Variants in TCF20 observed in about 807,000 individuals in gnomAD.
The protein encoded by TCF20 is SPRE-binding protein.
A neutral mutation model predicts 148.6 loss-of-function variants in TCF20; 3 were observed. That is an observed-to-expected ratio of 0.02 (90% CI 0.01 to 0.05). TCF20 has a LOEUF of 0.05. TCF20 is among the 10% of genes least tolerant of loss of function. The probability of loss-of-function intolerance (pLI) is 1.00; values close to 1 mark genes in which losing one functional copy is unlikely to be tolerated. For synonymous variants in TCF20, 1,049 were observed against 909.5 expected (o/e 1.15, Z -2.76); for missense variants, 2,350 against 2,429.3 (o/e 0.97, Z 0.69).
rs941535012 is a variant in TCF20 at position 42,317,039 on chromosome 22, G to A, written c.-37+26440C>T. Among the ~76,000 whole-genome samples, 2 of 152,074 alleles carry A rather than the reference G, an allele frequency of 1.3e-5. No homozygotes were observed. The highest frequency in any genetic ancestry group is 4.8e-5 in the African/African-American group (2 of 41,382). The stretch of plus-strand genomic sequence containing the variant: ...GGCATGGCCGTAAGGCATCTTCAAT[G>A]GTCCCATGTCCTCAACACTCTTCCC... On this transcript the variant is annotated intron_variant, in intron 1 of 1. Transcript: ENST00000515426. This position sits in a 1 kb window ranked among gnomAD's most constrained non-coding sequence, Gnocchi z 4.2.
rs1935340055 is a variant in TCF20 at position 42,160,256 on chromosome 22, T to A, written c.*1147A>T. The A allele has an allele frequency of 6.6e-6, 1 of 152,628 alleles. No individual in the cohort carries two copies. Among genetic ancestry groups the A allele is most frequent in the Non-Finnish European group, 1.5e-5 (1 of 68,034 alleles). The allele number at this position is 152,628 out of a possible 1,614,324, so 9.5% of individuals were successfully genotyped here. On this transcript the variant is annotated 3_prime_UTR_variant, in exon 6 of 6. Coordinates refer to ENST00000677622, the MANE Select transcript of TCF20 (RefSeq NM_001378418.1). ...AAACAACACAACATAAAGAATCACG[T>A]AGCATGGGGCTGCCTATCTGACAGG...
intron 1 of TCF20, among the ~76,000 whole-genome samples, chr22:42,302,248 G>C (rs1230567894): frequency 6.6e-6 from 1 of 152,184 alleles, no homozygotes; most frequent in Non-Finnish European, 1.5e-5. Context: ...AGTCAGGACT[G>C]ACACTAGATG....
intron 1 of TCF20, among the ~76,000 whole-genome samples, chr22:42,334,938 G>T (rs2147060691): frequency 6.6e-6 from 1 of 152,238 alleles, no homozygotes; most frequent in African/African-American, 2.4e-5. Flanking sequence ...AGGGCCTCAG[G>T]ATGAACCAGG....
chr22:42,220,426 G>C (rs960422968), intron 1 of TCF20, among the ~76,000 whole-genome samples: 1 of 152,118 alleles, frequency 6.6e-6, no homozygotes, highest in Non-Finnish European at 1.5e-5. Flanking sequence ...TCAAACTCCT[G>C]GGCTCAAGCC....
chr22:42,291,499 C>A (rs956306732), intron 1 of TCF20, among the ~76,000 whole-genome samples: 1 of 152,202 alleles, frequency 6.6e-6, no homozygotes, highest in Non-Finnish European at 1.5e-5. Flanking sequence ...GCAGCTGGAC[C>A]GTCTGGACTA....
chr22:42,206,163 A>G (rs1938370834), intron 2 of TCF20, among the ~76,000 whole-genome samples: 1 of 152,236 alleles, frequency 6.6e-6, no homozygotes, highest in Non-Finnish European at 1.5e-5. Context: ...TAGAACACCT[A>G]AAAGTTTACA....
rs759427611 is a variant in TCF20, at chr22:42,211,418, G to A, written c.3888C>T (p.Phe1296=). ...HSSKEGADKA[F]NSYAHLSHSQ... ...TGTGAGAAAGATGGGCATAGGAATTGAATGCTTTATCAGCGCCTTCTTTTG... is the reference window on the plus strand; with the variant it reads ...TGTGAGAAAGATGGGCATAGGAATTAAATGCTTTATCAGCGCCTTCTTTTG... Residue 1296 remains phenylalanine, a synonymous_variant, in exon 2 of 6, where the codon TTC becomes TTT. Transcript: ENST00000677622. 1.2e-6 allele frequency: 2 copies of A among 1,614,064 alleles called. No individual in the cohort carries two copies. Among genetic ancestry groups the A allele is most frequent in the Non-Finnish European group, 8.5e-7 (1 of 1,180,040 alleles).
intron 2 of TCF20, among the ~76,000 whole-genome samples, chr22:42,185,852 A>G (rs150000109): frequency 2.0e-5 from 3 of 152,182 alleles, no homozygotes; most frequent in Non-Finnish European, 4.4e-5. Context: ...ACAAAGACTG[A>G]GGGAATGGGC....
chr22:42,302,685 C>T (rs1248335171), intron 1 of TCF20, among the ~76,000 whole-genome samples: 1 of 152,206 alleles, frequency 6.6e-6, no homozygotes, highest in East Asian at 1.9e-4. Flanking sequence ...CAGAAACAGG[C>T]ACTGGCCATG....
At chr22:42,168,855 C>G in intron 4 of TCF20, 119 bp from the exon 5 acceptor site, 2 of 1,332,488 alleles carry the variant, frequency 1.5e-6, no homozygotes, top group Non-Finnish European at 2.0e-6. Context: ...CAGAGTCAGT[C>G]CTGACCGACA....
chr22:42,340,998 C>T (rs755055071), intron 1 of TCF20, among the ~76,000 whole-genome samples: 13 of 151,990 alleles, frequency 8.6e-5, no homozygotes, highest in Non-Finnish European at 1.9e-4. Flanking sequence ...GGGAGCCCCG[C>T]GGAGCTGCGG....
At chr22:42,331,684 T>A (rs1351698314) in intron 1 of TCF20, among the ~76,000 whole-genome samples, 1 of 152,252 alleles carries the variant, frequency 6.6e-6, no homozygotes, top group African/African-American at 2.4e-5. Flanking sequence ...GCTCTGATGG[T>A]GCAGGTGTGG....
chr22:42,181,419 C>T (rs887504361), intron 2 of TCF20, among the ~76,000 whole-genome samples: 59 of 151,698 alleles, frequency 3.9e-4, no homozygotes, highest in African/African-American at 1.4e-3. Context: ...CTGACCTCAT[C>T]GCATCTGGCC....
rs1274469966 is a variant in TCF20 at position 42,270,587 on chromosome 22, C to T, written c.-285G>A. Reference sequence around the variant, plus strand: ...CCCCTGGCGGAGGCCGCGGCCGCCTCGCAGGGGCCGAAAGCGGCTGGGCTC... The same window carrying T: ...CCCCTGGCGGAGGCCGCGGCCGCCTTGCAGGGGCCGAAAGCGGCTGGGCTC... On this transcript the variant is annotated 5_prime_UTR_variant, in exon 1 of 6. Transcript: ENST00000677622. Among the ~76,000 whole-genome samples the T allele has an allele frequency of 6.9e-6, 1 of 145,650 alleles. No individual in the cohort carries two copies. The highest frequency in any genetic ancestry group is 1.5e-5 in the Non-Finnish European group (1 of 65,618).
chr22:42,184,609 G>A (rs1357006201), intron 2 of TCF20, among the ~76,000 whole-genome samples: 1 of 152,040 alleles, frequency 6.6e-6, no homozygotes, highest in Non-Finnish European at 1.5e-5. Flanking sequence ...TGACCACAGT[G>A]TTACTACATT....
chr22:42,318,461 A>T (rs1927674293), intron 1 of TCF20, among the ~76,000 whole-genome samples: 1 of 152,160 alleles, frequency 6.6e-6, no homozygotes, highest in Non-Finnish European at 1.5e-5. Context: ...GCGCAGCGGA[A>T]CGGTAAATTC....
intron 5 of TCF20, among the ~76,000 whole-genome samples, chr22:42,163,615 G>A (rs1935595535): frequency 1.3e-5 from 2 of 152,212 alleles, no homozygotes; most frequent in Admixed American, 1.3e-4. Context: ...GTAGCCCAAA[G>A]CGACGTGGCC....
chr22:42,236,740 T>C (rs1030239984), intron 1 of TCF20, among the ~76,000 whole-genome samples: 2 of 152,142 alleles, frequency 1.3e-5, no homozygotes, highest in African/African-American at 2.4e-5. Context: ...ATTGCAGGTA[T>C]TGTGGGTCTG....
In TCF20 at chr22:42,340,147, G is replaced by A. The variant is rs145702052; in HGVS notation, c.-37+3332C>T. Among the ~76,000 whole-genome samples the A allele has an allele frequency of 3.7e-4, 56 of 152,252 alleles. 1 individual carries two copies. Among genetic ancestry groups the A allele is most frequent in the African/African-American group, 1.3e-3 (53 of 41,548 alleles). ...CTGCTTCACTGGCCCCCTTAGAGCC[G>A]TCCAGACATTCCCAGGCCCAGGGAG... On this transcript the variant is annotated intron_variant, in intron 1 of 1. Transcript: ENST00000515426.
Sources: allele counts gnomAD v4.1 joint callset (sites outside exome capture counted in the v4.1 genomes callset), GRCh38; gene constraint gnomAD v4.1.1; non-coding constraint Gnocchi (gnomAD v3.1); transcripts MANE v1.5; gene names NCBI Gene and HGNC (gene_info 2026-07-23, HGNC 2026-07-21).